The following ADCY8 variants were observed in gnomAD, a reference collection of about 807,000 sequenced individuals.
ADCY8 encodes the protein adenylate cyclase 8, also known as adenylate cyclase type 8.
ADCY8 carries 51 observed loss-of-function variants against 119.7 expected under a neutral mutation model. That is an observed-to-expected ratio of 0.43 (90% CI 0.34 to 0.54). The LOEUF is 0.54. ADCY8 is among the 20% of genes least tolerant of loss of function. The pLI, the probability that ADCY8 is intolerant of heterozygous loss-of-function variation, is 0.03. For missense variants in ADCY8, 1,383 were observed against 1,598.8 expected, an observed-to-expected ratio of 0.87 and a Z score of 2.30; for synonymous variants, 665 against 651.0, an observed-to-expected ratio of 1.02 and a Z score of -0.33.
chr8:130,937,898 G>A (rs1046239105), intron 4 of ADCY8, among the ~76,000 whole-genome samples: 1 of 152,138 alleles, frequency 6.6e-6, no homozygotes, highest in African/African-American at 2.4e-5. Flanking sequence ...TCTAAGGTGG[G>A]TTGTTTTTTA....
rs1318089780 is a variant in ADCY8 at position 131,039,958 on chromosome 8, C to T, written c.376G>A (p.Asp126Asn). The T allele has an allele frequency of 6.3e-7, 1 of 1,588,832 alleles. No individual in the cohort carries two copies. The highest frequency in any genetic ancestry group is 8.6e-7 in the Non-Finnish European group (1 of 1,167,922). ...CAGTCAAGGTGCAGGAAGCCCAGGT[C>T]GCCCCCGCCTCCGCTGCCGCTGGCA... ...GSASGSGGGG[D>N]LGFLHLDCAP... Residue 126 changes from aspartate to asparagine, a missense_variant, in exon 1 of 18, where the codon GAC becomes AAC. Asp to Asn is a conservative substitution (Grantham distance 23). Around this residue, in one of 2 missense-constraint regions of ADCY8, gnomAD observed 455 missense variants for 435.3 expected, o/e 1.05. Transcript: ENST00000286355.
At chr8:130,787,044 C>A (rs1204342538) in intron 15 of ADCY8, among the ~76,000 whole-genome samples, 1 of 151,990 alleles carries the variant, frequency 6.6e-6, no homozygotes, top group Non-Finnish European at 1.5e-5. Context: ...TGTGGTAAGC[C>A]AGGCCATAAG....
intron 3 of ADCY8, among the ~76,000 whole-genome samples, chr8:130,951,634 G>C (rs1821274554): frequency 1.3e-5 from 2 of 152,184 alleles, no homozygotes; most frequent in African/African-American, 4.8e-5. Context: ...GCCTACTGTA[G>C]GAGAGCTAGG....
At chr8:130,792,251 A>C (rs142355892) in intron 15 of ADCY8, among the ~76,000 whole-genome samples, 77 of 152,258 alleles carry the variant, frequency 5.1e-4, no homozygotes, top group Non-Finnish European at 9.4e-4. Flanking sequence ...ATGCTTCACC[A>C]GTCTCTGTGG....
chr8:130,871,535 G>A (rs1479604856), intron 8 of ADCY8, among the ~76,000 whole-genome samples: 6 of 152,134 alleles, frequency 3.9e-5, no homozygotes, highest in African/African-American at 7.2e-5. Context: ...TGCCTTCCAC[G>A]ATAATCCTAT....
In ADCY8 at chr8:130,957,506, G is replaced by A. The variant is rs187515715; in HGVS notation, c.1111-5508C>T. Among the ~76,000 whole-genome samples the A allele has an allele frequency of 5.4e-4, 82 of 152,318 alleles. 2 individuals are homozygous for A. The Middle Eastern group carries it at 0.017, about 32-fold the overall frequency. ...TAGAAAAGAAAAAACAATTTTCTGA[G>A]GAGAAATTCAAGCTGCCTGCAGAAA... On this transcript the variant is annotated intron_variant, in intron 2 of 17. Coordinates refer to ENST00000286355, the MANE Select transcript of ADCY8 (RefSeq NM_001115.3).
intron 1 of ADCY8, among the ~76,000 whole-genome samples, chr8:131,001,209 C>A (rs938157742): frequency 6.6e-6 from 1 of 152,094 alleles, no homozygotes; most frequent in Non-Finnish European, 1.5e-5. Context: ...GCCTCAAAGC[C>A]TGAGGACGAG....
intron 2 of ADCY8, among the ~76,000 whole-genome samples, chr8:130,953,335 C>A (rs985192103): frequency 6.6e-6 from 1 of 152,122 alleles, no homozygotes; most frequent in Non-Finnish European, 1.5e-5. Flanking sequence ...TTCCTCATAT[C>A]TTTGTAGTTA....
intron 6 of ADCY8, among the ~76,000 whole-genome samples, chr8:130,908,984 GCTCTCT>G (rs10532518): frequency 0.016 from 2,066 of 131,560 alleles, 32 homozygotes; most frequent in African/African-American, 0.049. Flanking sequence ...ATGTGGAAGT[GCTCTCT>G]CTCTCTCTCT....
At chr8:130,806,136 G>A (rs924960428) in intron 14 of ADCY8, among the ~76,000 whole-genome samples, 6 of 152,160 alleles carry the variant, frequency 3.9e-5, no homozygotes, top group African/African-American at 1.4e-4. Flanking sequence ...GTGGGCACAT[G>A]ACTCTGGGCA....
intron 13 of ADCY8, among the ~76,000 whole-genome samples, chr8:130,815,347 G>C (rs185510): frequency 0.96 from 146,567 of 152,304 alleles, 70,565 homozygotes; most frequent in African/African-American, 0.99. Flanking sequence ...CGTAGTAACA[G>C]GTTTGGCACA....
At chr8:131,028,250 T>C (rs1381636291) in intron 1 of ADCY8, among the ~76,000 whole-genome samples, 1 of 152,260 alleles carries the variant, frequency 6.6e-6, no homozygotes, top group Non-Finnish European at 1.5e-5. Flanking sequence ...ATATCTTTCA[T>C]TGTCCATTGG....
intron 5 of ADCY8, among the ~76,000 whole-genome samples, chr8:130,914,370 A>G (rs940095169): frequency 6.6e-6 from 1 of 152,250 alleles, no homozygotes; most frequent in Non-Finnish European, 1.5e-5. Flanking sequence ...TTAACATTAT[A>G]CAGAGAATGC....
Position 130,943,603 on chromosome 8 carries a change from A to T in ADCY8, c.1242-141T>A, listed in dbSNP as rs910750740. The T allele has an allele frequency of 6.5e-6, 4 of 612,734 alleles. No individual in the cohort carries two copies. In the African/African-American group the frequency reaches 7.3e-5, roughly 11 times the overall value. 38.0% of individuals were successfully genotyped at this position (612,734 alleles called of 1,614,324 possible). On this transcript the variant is annotated intron_variant, in intron 3 of 17. Transcript: ENST00000286355. ...TTTAGCTCTTGCTGCCATGAGAGTCAGGAGGAATGTCTCAGTATTTAATAA... is the reference window on the plus strand; with the variant it reads ...TTTAGCTCTTGCTGCCATGAGAGTCTGGAGGAATGTCTCAGTATTTAATAA...
intron 1 of ADCY8, among the ~76,000 whole-genome samples, chr8:131,028,740 G>C (rs1255727508): frequency 6.6e-6 from 1 of 152,154 alleles, no homozygotes; most frequent in East Asian, 1.9e-4. Context: ...GGAAACAGTG[G>C]ACTAAGCACC....
At chr8:130,897,014 A>G (rs1819415160) in intron 7 of ADCY8, among the ~76,000 whole-genome samples, 1 of 152,088 alleles carries the variant, frequency 6.6e-6, no homozygotes, top group Non-Finnish European at 1.5e-5. Context: ...CGAGCCTTGG[A>G]GGGGAGAAGT....
At chr8:130,797,795 A>C (rs1815632181) in intron 15 of ADCY8, among the ~76,000 whole-genome samples, 1 of 152,220 alleles carries the variant, frequency 6.6e-6, no homozygotes, top group Non-Finnish European at 1.5e-5. Context: ...GGAGGCAAGA[A>C]GTGATCACGT....
intron 1 of ADCY8, among the ~76,000 whole-genome samples, chr8:131,015,855 T>C (rs917368769): frequency 6.6e-6 from 1 of 152,144 alleles, no homozygotes; most frequent in Non-Finnish European, 1.5e-5. Flanking sequence ...AATCTGATGA[T>C]TCCAAATGCT....
chr8:130,903,910 C>T lies in ADCY8; in HGVS notation c.1773G>A (p.Glu591=). 1 of 1,614,144 alleles carries T rather than the reference C, an allele frequency of 6.2e-7. No individual in the cohort carries two copies. The highest frequency in any genetic ancestry group is 8.5e-7 in the Non-Finnish European group (1 of 1,180,016). Residue 591 remains glutamate, a synonymous_variant, in exon 7 of 18, where the codon GAG becomes GAA. Transcript: ENST00000286355. ...NIETYLIKQP[E]DSLLSLPEDI... ...CTTCAGGCAAGGACAGCAGACTGTC[C>T]TCAGGCTGCTTAATTAAGTAAGTTT...
Sources: gnomAD v4.1 joint callset for allele counts (sites outside exome capture counted in the v4.1 genomes callset) on GRCh38, gnomAD v4.1.1 for gene constraint, gnomAD v4.1.1 regional missense constraint, MANE v1.5 for transcripts, NCBI Gene and HGNC (gene_info 2026-07-23, HGNC 2026-07-21) for gene names.